CBFA2T2: variants seen among roughly 807,000 people sequenced by gnomAD.
CBFA2T2 encodes protein CBFA2T2.
In CBFA2T2, 11 loss-of-function variants were observed where a neutral mutation model predicts 62.2. The ratio of observed to expected loss-of-function variants is 0.18; its 90% CI spans 0.11 to 0.29. The LOEUF (loss-of-function observed/expected upper bound fraction) is 0.29, where lower values mean the gene tolerates loss of function less well. Among genes scored for constraint, CBFA2T2 ranks in the 10% least tolerant of loss-of-function variants. CBFA2T2 has a pLI of 1.00. For synonymous variants in CBFA2T2, 295 were observed against 287.5 expected (o/e 1.03, Z -0.27); for missense variants, 592 against 774.1 (o/e 0.76, Z 2.79).
chr20:33,557,721 G>A (rs893717558), intron 1 of CBFA2T2, among the ~76,000 whole-genome samples: 1 of 151,744 alleles, frequency 6.6e-6, no homozygotes, highest in African/African-American at 2.4e-5. Context: ...TGCCCAAGCT[G>A]GTCTCAAACT....
chr20:33,560,971 G>A (rs753491048), intron 1 of CBFA2T2, among the ~76,000 whole-genome samples: 3 of 152,028 alleles, frequency 2.0e-5, no homozygotes, highest in Admixed American at 6.6e-5. Flanking sequence ...TCCACCTCCC[G>A]GGTTCAAGCA....
At chr20:33,637,966 C>CT (rs67124335) in intron 9 of CBFA2T2, among the ~76,000 whole-genome samples, 689 of 66,770 alleles carry the variant, frequency 0.01, 125 homozygotes, top group African/African-American at 0.031. Flanking sequence ...TGCACCCGGC[C>CT]TTTTTTTTTT....
chr20:33,601,972 T>C (rs2015157974), intron 1 of CBFA2T2: 1 of 151,862 alleles, frequency 6.6e-6, no homozygotes, highest in Admixed American at 6.6e-5. Flanking sequence ...ATCCAGCTAA[T>C]TTTTTTTGTT....
intron 1 of CBFA2T2, among the ~76,000 whole-genome samples, chr20:33,531,705 G>T (rs536554173): frequency 6.6e-6 from 1 of 152,312 alleles, no homozygotes; most frequent in East Asian, 1.9e-4. Flanking sequence ...TAAACTAATA[G>T]CTCCCAGCAG....
At chr20:33,542,903 A>T (rs1011874936) in intron 1 of CBFA2T2, among the ~76,000 whole-genome samples, 2 of 152,126 alleles carry the variant, frequency 1.3e-5, no homozygotes, top group African/African-American at 4.8e-5. Context: ...CTGGACTCAA[A>T]CAATCTGCCT....
chr20:33,623,041 T>TGGCA, intron 4 of CBFA2T2, 74 bp from the exon 5 acceptor site: 1 of 1,423,500 alleles, frequency 7.0e-7, no homozygotes, highest in Admixed American at 1.9e-5. Context: ...TCATCTGCTT[T>TGGCA]GTGAAAGCCC....
At chr20:33,550,965 C>G (rs1035023756) in intron 1 of CBFA2T2, among the ~76,000 whole-genome samples, 2 of 151,964 alleles carry the variant, frequency 1.3e-5, no homozygotes, top group African/African-American at 4.8e-5. Context: ...GAGTTGGAAG[C>G]TACATGAGTT....
At chr20:33,490,884 C>T (rs2011141911) in intron 1 of CBFA2T2, among the ~76,000 whole-genome samples, 1 of 152,206 alleles carries the variant, frequency 6.6e-6, no homozygotes, top group South Asian at 2.1e-4. Flanking sequence ...AAACGCTTGA[C>T]ACCGACCGTG....
Position 33,490,278 on chromosome 20 carries a change from T to C in CBFA2T2, c.11T>C (p.Val4Ala). 7.9e-7 allele frequency: 1 copy of C among 1,260,380 alleles called. No individual in the cohort carries two copies. The highest frequency in any genetic ancestry group is 1.0e-6 in the Non-Finnish European group (1 of 1,004,512). The allele number at this position is 1,260,380 out of a possible 1,614,324, so 78.1% of individuals were successfully genotyped here. A position where few individuals can be genotyped will look rare whatever the true frequency, so the allele number is the denominator to read the frequency against. Residue 4 changes from valine (V) to alanine (A), a missense_variant, in exon 1 of 11, where the codon GTC becomes GCC. Transcript: ENST00000342704. ...CGGCGGCGCTCGGCGATGGTAGGCG[T>C]CCCTGGAGCGGCCGCCTTCCAGCGT... MVGVPGAAAFQLGP... is the reference protein window; with the variant it reads MVGAPGAAAFQLGP...
intron 1 of CBFA2T2, among the ~76,000 whole-genome samples, chr20:33,591,170 ACTCCCTCTC>A (rs2014600871): frequency 7.1e-6 from 1 of 140,360 alleles, no homozygotes; most frequent in Non-Finnish European, 1.5e-5. Context: ...CAAGAGTGAA[ACTCCCTCTC>A]AAAAAAAAAA....
chr20:33,507,248 G>A (rs539790870), intron 1 of CBFA2T2, among the ~76,000 whole-genome samples: 1 of 152,172 alleles, frequency 6.6e-6, no homozygotes, highest in South Asian at 2.1e-4. Context: ...GATCCTGGGG[G>A]ATATAAAGAG....
chr20:33,528,494 TTC>T (rs1165461782), intron 1 of CBFA2T2, among the ~76,000 whole-genome samples: 4 of 152,196 alleles, frequency 2.6e-5, no homozygotes, highest in Non-Finnish European at 4.4e-5. Context: ...TGGGCTATTT[TTC>T]TCTCTTTTTT....
chr20:33,644,655 C>T lies in CBFA2T2; in HGVS notation c.*9C>T, dbSNP rs2016989062. On this transcript the variant is annotated 3_prime_UTR_variant, in exon 11 of 11. Transcript: ENST00000342704. ...ACACCAACGGACTCTGAGCCCCGGA[C>T]TCTGCTTACCCTGATGGCTGCTCAG... 1.3e-6 allele frequency: 2 copies of T among 1,590,246 alleles called. No homozygotes were observed. The highest frequency in any genetic ancestry group is 2.2e-5 in the East Asian group (1 of 44,526).
At chr20:33,582,758 A>G (rs1345891988) in intron 1 of CBFA2T2, among the ~76,000 whole-genome samples, 1 of 152,096 alleles carries the variant, frequency 6.6e-6, no homozygotes, top group Non-Finnish European at 1.5e-5. Flanking sequence ...CCTGGCCAAC[A>G]TGGCAAAACC....
intron 1 of CBFA2T2, among the ~76,000 whole-genome samples, chr20:33,584,663 T>C (rs947128299): frequency 1.3e-5 from 2 of 152,122 alleles, no homozygotes; most frequent in African/African-American, 4.8e-5. Flanking sequence ...AATAATAATA[T>C]AGATGATGGT....
chr20:33,523,449 C>T (rs931625045), intron 1 of CBFA2T2, among the ~76,000 whole-genome samples: 2 of 151,652 alleles, frequency 1.3e-5, no homozygotes, highest in Non-Finnish European at 2.9e-5. Flanking sequence ...ATTACAGAGT[C>T]TATCTTAATT....
chr20:33,574,765 TC>T (rs780336337), intron 1 of CBFA2T2, among the ~76,000 whole-genome samples: 5 of 152,132 alleles, frequency 3.3e-5, no homozygotes, highest in Non-Finnish European at 7.3e-5. Context: ...GTATGATCAA[TC>T]TAGTCAAGAG....
intron 8 of CBFA2T2, among the ~76,000 whole-genome samples, chr20:33,634,532 T>G (rs1379446835): frequency 6.6e-6 from 1 of 151,546 alleles, no homozygotes; most frequent in East Asian, 1.9e-4. Context: ...ATTAGCTGAT[T>G]GTGGTGGTAT....
Position 33,617,217 on chromosome 20 carries a change from G to C in CBFA2T2, c.421-2300G>C, listed in dbSNP as rs111536835. On this transcript the variant is annotated intron_variant, in intron 3 of 10. Coordinates refer to ENST00000342704, the MANE Select transcript of CBFA2T2 (RefSeq NM_001032999.3). ...CTACTGCACTCCAGCCTAAGTGACA[G>C]AGCTAGACCCTATCTCTGAAAAAAA... is the stretch of plus-strand genomic sequence containing the variant. 2.3e-3 allele frequency among the ~76,000 whole-genome samples: 351 copies of C among 151,878 alleles called. 1 individual carries two copies. The highest frequency in any genetic ancestry group is 8.2e-3 in the African/African-American group (337 of 41,256).
Sources: allele counts gnomAD v4.1 joint callset (sites outside exome capture counted in the v4.1 genomes callset), GRCh38; gene constraint gnomAD v4.1.1; transcripts MANE v1.5; gene names NCBI Gene and HGNC (gene_info 2026-07-23, HGNC 2026-07-21).